The following P2RX3 variants were observed in gnomAD, a reference collection of about 807,000 sequenced individuals.
The protein encoded by P2RX3 is P2X purinoceptor 3.
Under a neutral mutation model 51.5 loss-of-function variants are expected in P2RX3, and 41 were observed. The ratio of observed to expected loss-of-function variants is 0.80; its 90% CI spans 0.62 to 1.03. P2RX3 has a LOEUF of 1.03. Among genes scored for constraint, P2RX3 ranks in the 50% least tolerant of loss-of-function variants. The probability of loss-of-function intolerance (pLI) is 0.00; values close to 1 mark genes in which losing one functional copy is unlikely to be tolerated. For missense variants in P2RX3, 459 were observed against 522.1 expected, an observed-to-expected ratio of 0.88 and a Z score of 1.18; for synonymous variants, 185 against 191.6, an observed-to-expected ratio of 0.97 and a Z score of 0.29.
At chr11:57,355,528 A>G (rs1429721337) in intron 8 of P2RX3, among the ~76,000 whole-genome samples, 1 of 151,784 alleles carries the variant, frequency 6.6e-6, no homozygotes, top group Non-Finnish European at 1.5e-5. Context: ...TTTAGTAGAG[A>G]CGGGATTTCA....
At chr11:57,348,578 T>C (rs1856485567) in intron 5 of P2RX3, 49 bp from the exon 6 acceptor site, 2 of 1,509,710 alleles carry the variant, frequency 1.3e-6, no homozygotes, top group Non-Finnish European at 1.8e-6. Flanking sequence ...AAGCCTTCAT[T>C]TCCCCCTCTT....
At chr11:57,354,066 G>A (rs1340884349) in intron 8 of P2RX3, among the ~76,000 whole-genome samples, 4 of 152,072 alleles carry the variant, frequency 2.6e-5, no homozygotes, top group Non-Finnish European at 5.9e-5. Flanking sequence ...ACCCATGTAA[G>A]AGATTACAGG....
chr11:57,348,544 C>A, intron 5 of P2RX3, 83 bp from the exon 6 acceptor site: 1 of 1,199,284 alleles, frequency 8.3e-7, no homozygotes, highest in Non-Finnish European at 1.2e-6. Flanking sequence ...GAGGCATCCA[C>A]CAGGAAAGGT....
At chr11:57,344,300 G>T (rs757643312) in intron 1 of P2RX3, among the ~76,000 whole-genome samples, 21 of 152,204 alleles carry the variant, frequency 1.4e-4, no homozygotes, top group Non-Finnish European at 2.6e-4. Flanking sequence ...ATAAATATGT[G>T]AGGTAGTAAA....
intron 8 of P2RX3, among the ~76,000 whole-genome samples, chr11:57,355,334 C>CTTTTTTTTT (rs1201675322): frequency 2.6e-5 from 3 of 117,342 alleles, no homozygotes; most frequent in African/African-American, 6.4e-5. Flanking sequence ...TATTTTATTT[C>CTTTTTTTTT]TTTTTTTTTT....
intron 8 of P2RX3, among the ~76,000 whole-genome samples, chr11:57,362,263 G>T (rs1211938032): frequency 6.6e-6 from 1 of 152,182 alleles, no homozygotes; most frequent in African/African-American, 2.4e-5. Context: ...TGAGCGTGTG[G>T]CAGGGAGAAG....
At chr11:57,369,612 A>G (rs921594171) in intron 11 of P2RX3, among the ~76,000 whole-genome samples, 174 bp downstream of exon 11, 1 of 151,802 alleles carries the variant, frequency 6.6e-6, no homozygotes, top group Admixed American at 6.6e-5. Context: ...CTCTGCAGAG[A>G]ATCTTGGGGG....
chr11:57,344,563 GT>G (rs1180035741), intron 1 of P2RX3, among the ~76,000 whole-genome samples: 2 of 152,152 alleles, frequency 1.3e-5, no homozygotes. Flanking sequence ...GCCAGGCGTG[GT>G]TGTGCATGCC....
intron 8 of P2RX3, among the ~76,000 whole-genome samples, chr11:57,358,436 G>A (rs1856663999): frequency 1.3e-5 from 2 of 152,128 alleles, no homozygotes; most frequent in South Asian, 4.2e-4. Flanking sequence ...TCCAAATAAC[G>A]AAAAATGCTT....
Position 57,369,908 on chromosome 11 carries a change from G to C in P2RX3, c.1105G>C (p.Ala369Pro). The C allele has an allele frequency of 6.2e-7, 1 of 1,613,820 alleles. No individual in the cohort carries two copies. Among genetic ancestry groups the C allele is most frequent in the Non-Finnish European group, 8.5e-7 (1 of 1,179,822 alleles). ...GGTGAATGAGACTACGCTGAAAATC[G>C]CGGCTTTGACCAACCCAGTGTACCC... Reference protein sequence around the residue: ...EEVNETTLKIAALTNPVYPSD... With the variant: ...EEVNETTLKIPALTNPVYPSD... Residue 369 changes from alanine to proline, a missense_variant, in exon 12 of 12, where the codon GCG becomes CCG. Coordinates refer to ENST00000263314, the MANE Select transcript of P2RX3 (RefSeq NM_002559.5).
At chr11:57,352,128 G>A (rs10896610) in intron 8 of P2RX3, among the ~76,000 whole-genome samples, 52,827 of 151,960 alleles carry the variant, frequency 0.35, 11,070 homozygotes, top group East Asian at 0.67. Flanking sequence ...CTTTGTTGAG[G>A]TGGTATTCTC....
intron 1 of P2RX3, among the ~76,000 whole-genome samples, chr11:57,343,441 C>T (rs1302377802): frequency 1.3e-5 from 2 of 152,208 alleles, no homozygotes; most frequent in Non-Finnish European, 2.9e-5. Context: ...TAGAGACCTT[C>T]GAGTGAAGAG....
intron 8 of P2RX3, among the ~76,000 whole-genome samples, chr11:57,361,619 G>A: frequency 6.6e-6 from 1 of 152,150 alleles, no homozygotes; most frequent in Non-Finnish European, 1.5e-5. Flanking sequence ...CAAAGATCAT[G>A]ATCTCATTCC....
chr11:57,365,108 T>A (rs1253826668), intron 8 of P2RX3, among the ~76,000 whole-genome samples: 6 of 152,180 alleles, frequency 3.9e-5, no homozygotes, highest in African/African-American at 1.4e-4. Context: ...TGTCACCCAT[T>A]CTCCAGTGCT....
At chr11:57,368,575 TCA>T in intron 10 of P2RX3, 138 bp downstream of exon 10, 1 of 929,452 alleles carries the variant, frequency 1.1e-6, no homozygotes. Flanking sequence ...GCTAGGTGCT[TCA>T]GTCTCCTTGG....
In P2RX3 at chr11:57,358,106, T is replaced by TA. The variant is rs570866906; in HGVS notation, c.842+7215dup. 5.7e-3 allele frequency among the ~76,000 whole-genome samples: 792 copies of TA among 139,914 alleles called. 5 individuals carry two copies. Among genetic ancestry groups the TA allele is most frequent in the Admixed American group, 0.011 (155 of 14,368 alleles). 91.8% of individuals were successfully genotyped at this position (139,914 alleles called of 152,430 possible). Reference sequence around the variant, plus strand: ...CTTCCAAGGGATTTGTACATCGTGATAAAAAAACCCTTCTCCATTCAGCAA... The same window carrying TA: ...CTTCCAAGGGATTTGTACATCGTGATAAAAAAAACCCTTCTCCATTCAGCAA... On this transcript the variant is annotated intron_variant, in intron 8 of 11. Coordinates refer to ENST00000263314, the MANE Select transcript of P2RX3 (RefSeq NM_002559.5).
At chr11:57,349,922 C>G (rs1210180935) in intron 7 of P2RX3, 24 bp downstream of exon 7, 1 of 1,613,114 alleles carries the variant, frequency 6.2e-7, no homozygotes, top group African/African-American at 1.3e-5. Flanking sequence ...CATTCTTCCG[C>G]GACCCCAAAC....
chr11:57,336,600 A>G (rs1478911197), upstream of P2RX3, among the ~76,000 whole-genome samples: 1 of 152,180 alleles, frequency 6.6e-6, no homozygotes, highest in Non-Finnish European at 1.5e-5. Flanking sequence ...ACTGAGACCC[A>G]AAGGGGAGTG....
chr11:57,337,453 A>G (rs1279809215), upstream of P2RX3, among the ~76,000 whole-genome samples: 2 of 152,022 alleles, frequency 1.3e-5, no homozygotes, highest in Non-Finnish European at 2.9e-5. Flanking sequence ...AAAAAAAAGA[A>G]GTTGGCACAT....
Sources: allele counts gnomAD v4.1 joint callset (sites outside exome capture counted in the v4.1 genomes callset), GRCh38; gene constraint gnomAD v4.1.1; transcripts MANE v1.5; gene names NCBI Gene and HGNC (gene_info 2026-07-23, HGNC 2026-07-21).